GLG1: variants seen among roughly 807,000 people sequenced by gnomAD.
The protein encoded by GLG1 is golgi glycoprotein 1.
GLG1 carries 38 observed loss-of-function variants against 160.5 expected under a neutral mutation model. That is an observed-to-expected ratio of 0.24 (90% CI 0.18 to 0.31). The LOEUF (loss-of-function observed/expected upper bound fraction) is 0.31. Among genes scored for constraint, GLG1 ranks in the 10% least tolerant of loss-of-function variants. GLG1 has a pLI of 1.00. For synonymous variants in GLG1, 644 were observed against 543.4 expected (o/e 1.19, Z -2.57); for missense variants, 1,373 against 1,505.2 (o/e 0.91, Z 1.45).
intron 1 of GLG1, among the ~76,000 whole-genome samples, chr16:74,570,482 A>G (rs2018793588): frequency 6.6e-6 from 1 of 151,708 alleles, no homozygotes; most frequent in South Asian, 2.1e-4. Flanking sequence ...ACTGAAAGAA[A>G]AATATATTCC....
intron 1 of GLG1, among the ~76,000 whole-genome samples, chr16:74,556,824 T>C (rs1428321721): frequency 1.3e-5 from 2 of 150,668 alleles, no homozygotes; most frequent in Non-Finnish European, 3.0e-5. Flanking sequence ...CTTTAGCCAA[T>C]GAGTAAGAGA....
intron 2 of GLG1, among the ~76,000 whole-genome samples, chr16:74,517,058 T>G (rs2143535308): frequency 6.6e-6 from 1 of 152,234 alleles, no homozygotes; most frequent in South Asian, 2.1e-4. Flanking sequence ...GAGGCAATAA[T>G]TAATAGCCTA....
At chr16:74,562,351 CTAA>C (rs2143743530) in intron 1 of GLG1, among the ~76,000 whole-genome samples, 1 of 152,370 alleles carries the variant, frequency 6.6e-6, no homozygotes, top group Admixed American at 6.5e-5. Context: ...GCCTATGCCA[CTAA>C]TAATAGAACC....
chr16:74,569,043 G>C (rs918334901), intron 1 of GLG1, among the ~76,000 whole-genome samples: 1 of 152,206 alleles, frequency 6.6e-6, no homozygotes, highest in African/African-American at 2.4e-5. Flanking sequence ...CTGAAGGGCC[G>C]TGTGGGCAGA....
At chr16:74,501,870 T>A (rs753322386) in intron 4 of GLG1, among the ~76,000 whole-genome samples, 1 of 152,222 alleles carries the variant, frequency 6.6e-6, no homozygotes, top group African/African-American at 2.4e-5. Flanking sequence ...ATTAAAGCTG[T>A]CCTTTCTTTA....
chr16:74,592,374 C>A (rs552572923), intron 1 of GLG1, among the ~76,000 whole-genome samples: 34 of 152,194 alleles, frequency 2.2e-4, no homozygotes, highest in Non-Finnish European at 2.2e-4. Flanking sequence ...GAATTCCTGA[C>A]ATCAGGTGAT....
intron 1 of GLG1, among the ~76,000 whole-genome samples, chr16:74,541,104 T>C (rs2017852667): frequency 6.6e-6 from 1 of 152,018 alleles, no homozygotes; most frequent in Non-Finnish European, 1.5e-5. Context: ...GGCGGGCAGA[T>C]CACAAGGTCA....
At chr16:74,555,300 A>G (rs1169800332) in intron 1 of GLG1, among the ~76,000 whole-genome samples, 1 of 152,222 alleles carries the variant, frequency 6.6e-6, no homozygotes, top group Non-Finnish European at 1.5e-5. Context: ...TTGGGCAATT[A>G]TTCATGTTGT....
intron 1 of GLG1, among the ~76,000 whole-genome samples, chr16:74,554,415 C>T (rs549272646): frequency 6.6e-6 from 1 of 152,036 alleles, no homozygotes; most frequent in South Asian, 2.1e-4. Context: ...GCGCCTGTAA[C>T]CCCAGGTACT....
At chr16:74,506,919 G>A (rs565450607) in intron 3 of GLG1, among the ~76,000 whole-genome samples, 1 of 152,226 alleles carries the variant, frequency 6.6e-6, no homozygotes, top group East Asian at 1.9e-4. Context: ...GATTGAAAAG[G>A]TACCATGAGC....
intron 1 of GLG1, among the ~76,000 whole-genome samples, chr16:74,542,604 G>A (rs2017904918): frequency 6.7e-6 from 1 of 150,058 alleles, no homozygotes; most frequent in Admixed American, 6.7e-5. Flanking sequence ...CCCAGAAGGC[G>A]GAAGTTGCAG....
At chr16:74,528,519 T>A (rs1308047968) in intron 2 of GLG1, among the ~76,000 whole-genome samples, 1 of 151,956 alleles carries the variant, frequency 6.6e-6, no homozygotes, top group Non-Finnish European at 1.5e-5. Flanking sequence ...AGATTGTTAA[T>A]AATGTGTCTA....
At position 74,607,086 on chromosome 16, in the gene GLG1, C is replaced by T. The variant is rs778664917; in HGVS notation, c.9G>A (p.Ala3=). The T allele has an allele frequency of 3.2e-6, 5 of 1,549,880 alleles. No homozygotes were observed. The highest frequency in any genetic ancestry group is 4.4e-6 in the Non-Finnish European group (5 of 1,147,562). MA[A]CGRVRRMFRL... Reference sequence around the variant, plus strand: ...GGAACATCCTCCGTACACGTCCACACGCCGCCATCTTGAGTCCGCGGCGAG... The same window carrying T: ...GGAACATCCTCCGTACACGTCCACATGCCGCCATCTTGAGTCCGCGGCGAG... Residue 3 remains alanine (A), a synonymous_variant, in exon 1 of 26, where the codon GCG becomes GCA. Transcript: ENST00000422840.
chr16:74,475,928 T>A (rs2015377214), intron 12 of GLG1, among the ~76,000 whole-genome samples: 1 of 152,182 alleles, frequency 6.6e-6, no homozygotes, highest in Non-Finnish European at 1.5e-5. Flanking sequence ...ACACCTGTAA[T>A]CCTAGCACTT....
At chr16:74,604,744 G>A (rs558351951) in intron 1 of GLG1, among the ~76,000 whole-genome samples, 1 of 151,970 alleles carries the variant, frequency 6.6e-6, no homozygotes, top group Non-Finnish European at 1.5e-5. Context: ...ATTTCCTTTC[G>A]CTGTCTTTAA....
intron 1 of GLG1, among the ~76,000 whole-genome samples, chr16:74,563,949 G>A (rs761210646): frequency 4.6e-5 from 7 of 152,032 alleles, no homozygotes; most frequent in Non-Finnish European, 1.0e-4. Flanking sequence ...TTTGAGACAG[G>A]TTTTTGCTCT....
chr16:74,569,662 G>A (rs1359508661), intron 1 of GLG1, among the ~76,000 whole-genome samples: 1 of 152,072 alleles, frequency 6.6e-6, no homozygotes, highest in African/African-American at 2.4e-5. Flanking sequence ...AGGAGCTCAA[G>A]ACCAGCCTGG....
At chr16:74,541,143 G>A (rs898521339) in intron 1 of GLG1, among the ~76,000 whole-genome samples, 6 of 151,944 alleles carry the variant, frequency 3.9e-5, no homozygotes, top group African/African-American at 1.4e-4. Context: ...GGCCAATATG[G>A]TGAAACCCTG....
In GLG1 at chr16:74,590,795, CAA is replaced by C. The variant is rs71158529; in HGVS notation, c.438+15860_438+15861del. On this transcript the variant is annotated intron_variant, in intron 1 of 25. Transcript: ENST00000422840. ...CTGGGCAACAAGAGTGAAACTGTCTCAAAAAAAAAAAAAAAAGAAAAAAAAAA... is the reference window on the plus strand; with the variant it reads ...CTGGGCAACAAGAGTGAAACTGTCTCAAAAAAAAAAAAAAGAAAAAAAAAA... Among the ~76,000 whole-genome samples the C allele has an allele frequency of 2.0e-4, 14 of 68,938 alleles. 1 individual carries two copies. The highest frequency in any genetic ancestry group is 7.6e-3 in the Middle Eastern group (1 of 132). The allele number at this position is 68,938 out of a possible 152,430, so 45.2% of individuals were successfully genotyped here.
Sources: gnomAD v4.1 joint callset for allele counts (sites outside exome capture counted in the v4.1 genomes callset) on GRCh38, gnomAD v4.1.1 for gene constraint, MANE v1.5 for transcripts, NCBI Gene and HGNC (gene_info 2026-07-23, HGNC 2026-07-21) for gene names.